Variants in DYM observed in about 807,000 individuals in gnomAD.
The protein encoded by DYM is dyggve-Melchior-Clausen syndrome protein.
A neutral mutation model predicts 93.1 loss-of-function variants in DYM; 78 were observed. The observed-to-expected ratio is 0.84, with a 90% confidence interval of 0.70 to 1.01. The LOEUF (loss-of-function observed/expected upper bound fraction) is 1.01. Among genes scored for constraint, DYM ranks in the 50% least tolerant of loss-of-function variants. DYM has a pLI of 0.00. For synonymous variants in DYM, 321 were observed against 319.7 expected, an observed-to-expected ratio of 1.00 and a Z score of -0.04; for missense variants, 789 against 845.0, an observed-to-expected ratio of 0.93 and a Z score of 0.82.
chr18:49,409,797 C>A (rs2071998268), intron 2 of DYM, among the ~76,000 whole-genome samples: 1 of 152,086 alleles, frequency 6.6e-6, no homozygotes, highest in African/African-American at 2.4e-5. Flanking sequence ...GAGGTATTTA[C>A]AATATGTTGG....
chr18:49,055,356 A>G (rs920379395), intron 17 of DYM, among the ~76,000 whole-genome samples: 5 of 152,182 alleles, frequency 3.3e-5, no homozygotes, highest in Non-Finnish European at 7.4e-5. Flanking sequence ...CTCGTGATCT[A>G]AAAGCCATCA....
intron 14 of DYM, among the ~76,000 whole-genome samples, chr18:49,187,785 A>G (rs1050927955): frequency 2.0e-5 from 3 of 152,206 alleles, no homozygotes; most frequent in African/African-American, 4.8e-5. Flanking sequence ...ACTTTTCTAA[A>G]TGTACAAAAT....
At chr18:49,078,646 T>A (rs1420672773) in intron 17 of DYM, among the ~76,000 whole-genome samples, 2 of 152,170 alleles carry the variant, frequency 1.3e-5, no homozygotes, top group Non-Finnish European at 2.9e-5. Context: ...ATATCAAGAG[T>A]TTCCCATGTG....
chr18:49,100,262 G>A lies in DYM; in HGVS notation c.1912-2747C>T, dbSNP rs149480766. 1.1e-3 allele frequency among the ~76,000 whole-genome samples: 162 copies of A among 152,158 alleles called. 3 individuals carry two copies. In the East Asian group the frequency reaches 0.023, roughly 22 times the overall value. On this transcript the variant is annotated intron_variant, in intron 16 of 17. Transcript: ENST00000675505. ...GTTAGTGCAATCTCTGGGGCATGTG[G>A]AGCCATCCGCTTTGATAATCACTAA... is the stretch of plus-strand genomic sequence containing the variant.
chr18:49,086,096 T>C (rs1397972590), intron 17 of DYM, among the ~76,000 whole-genome samples: 6 of 152,216 alleles, frequency 3.9e-5, no homozygotes, highest in Non-Finnish European at 8.8e-5. Flanking sequence ...CATTGTGAAC[T>C]TGGGTCCTGC....
At chr18:49,301,502 C>T (rs1233308220) in intron 8 of DYM, among the ~76,000 whole-genome samples, 1 of 137,390 alleles carries the variant, frequency 7.3e-6, no homozygotes, top group Non-Finnish European at 1.5e-5. Context: ...GCCTGGGTGA[C>T]AGAGTGAGAC....
intron 14 of DYM, among the ~76,000 whole-genome samples, chr18:49,165,011 C>T (rs1356406669): frequency 6.6e-6 from 1 of 152,084 alleles, no homozygotes; most frequent in Non-Finnish European, 1.5e-5. Context: ...GAGACCCAAC[C>T]ATGTGCAGTT....
intron 15 of DYM, among the ~76,000 whole-genome samples, chr18:49,136,726 T>A (rs892250767): frequency 3.9e-5 from 6 of 152,198 alleles, no homozygotes; most frequent in Admixed American, 2.0e-4. Flanking sequence ...CCTCTTCTTT[T>A]GAGGCAAAGA....
intron 14 of DYM, among the ~76,000 whole-genome samples, chr18:49,187,448 TATA>T (rs1296194106): frequency 6.6e-6 from 1 of 152,218 alleles, no homozygotes; most frequent in African/African-American, 2.4e-5. Context: ...AGTGAGCTAG[TATA>T]ATGAGCTAAG....
intron 13 of DYM, among the ~76,000 whole-genome samples, chr18:49,212,713 T>A (rs1032340142): frequency 3.3e-5 from 5 of 152,130 alleles, no homozygotes; most frequent in African/African-American, 1.2e-4. Context: ...CCCAGTCTGG[T>A]CTTAAATTCT....
chr18:49,392,585 T>C (rs888072946), intron 2 of DYM, among the ~76,000 whole-genome samples: 5 of 138,484 alleles, frequency 3.6e-5, no homozygotes, highest in African/African-American at 1.4e-4. Flanking sequence ...AAATGGCCAA[T>C]AAGTACATGA....
intron 2 of DYM, among the ~76,000 whole-genome samples, chr18:49,403,810 T>G (rs1301075581): frequency 6.6e-6 from 1 of 152,064 alleles, no homozygotes; most frequent in Non-Finnish European, 1.5e-5. Flanking sequence ...AATGTTTAGT[T>G]TCCACCTGTA....
intron 8 of DYM, among the ~76,000 whole-genome samples, chr18:49,295,552 A>C (rs572535052): frequency 1.1e-4 from 16 of 152,158 alleles, no homozygotes; most frequent in Non-Finnish European, 2.1e-4. Flanking sequence ...TGCAGGAGGA[A>C]TGGTAAAACA....
chr18:49,420,244 C>T (rs1333925398), intron 2 of DYM, among the ~76,000 whole-genome samples: 1 of 150,674 alleles, frequency 6.6e-6, no homozygotes, highest in Non-Finnish European at 1.5e-5. Flanking sequence ...CTCAGCTCCC[C>T]ACAAGCTCTG....
At chr18:49,300,410 G>C (rs2060849433) in intron 8 of DYM, among the ~76,000 whole-genome samples, 2 of 151,822 alleles carry the variant, frequency 1.3e-5, no homozygotes, top group South Asian at 4.2e-4. Flanking sequence ...GACCAGCCTG[G>C]GCAACATAGT....
rs1251896115 is a variant in DYM at position 49,453,190 on chromosome 18, A to AG, written c.-54+7207dup. On this transcript the variant is annotated intron_variant, in intron 1 of 17. Coordinates refer to ENST00000675505, the MANE Select transcript of DYM (RefSeq NM_001353214.3). ...TCAGTACTCTGTATCTAGCTAATCT[A>AG]GGGGGGACTTGGAGAACTTTTGTGT... 6.3e-5 allele frequency among the ~76,000 whole-genome samples: 9 copies of AG among 142,492 alleles called. 2 individuals carry two copies. Among genetic ancestry groups the AG allele is most frequent in the Non-Finnish European group, 1.4e-4 (9 of 65,220 alleles). The allele number at this position is 142,492 out of a possible 152,430, so 93.5% of individuals were successfully genotyped here.
chr18:49,163,932 G>A (rs1038317153), intron 14 of DYM, 145 bp from the exon 15 acceptor site: 1 of 629,558 alleles, frequency 1.6e-6, no homozygotes. Flanking sequence ...TTAACAGCAA[G>A]ATTAATAATA....
chr18:49,176,901 A>C (rs189193265), intron 14 of DYM, among the ~76,000 whole-genome samples: 42 of 152,262 alleles, frequency 2.8e-4, no homozygotes, highest in Admixed American at 2.0e-3. Flanking sequence ...TATAATTAGT[A>C]TGCAATTCTA....
intron 14 of DYM, among the ~76,000 whole-genome samples, chr18:49,169,363 C>A (rs2088344707): frequency 6.6e-6 from 1 of 152,124 alleles, no homozygotes; most frequent in Non-Finnish European, 1.5e-5. Context: ...GTGAGTTGGG[C>A]AGAGAAATAC....
Sources: allele counts gnomAD v4.1 joint callset (sites outside exome capture counted in the v4.1 genomes callset), GRCh38; gene constraint gnomAD v4.1.1; transcripts MANE v1.5; gene names NCBI Gene and HGNC (gene_info 2026-07-23, HGNC 2026-07-21).